Variants in SNRPC observed in about 807,000 individuals in gnomAD.
The protein encoded by SNRPC is small nuclear ribonucleoprotein polypeptide C.
SNRPC carries 5 observed loss-of-function variants against 20.0 expected under a neutral mutation model. The ratio of observed to expected loss-of-function variants is 0.25; its 90% CI spans 0.13 to 0.53. The LOEUF is 0.53. Among genes scored for constraint, SNRPC ranks in the 20% least tolerant of loss-of-function variants. The probability of loss-of-function intolerance (pLI) is 0.96; values close to 1 mark genes in which losing one functional copy is unlikely to be tolerated. For synonymous variants in SNRPC, 61 were observed against 58.7 expected, an observed-to-expected ratio of 1.04 and a Z score of -0.18; for missense variants, 112 against 224.1, an observed-to-expected ratio of 0.50 and a Z score of 3.19.
At position 34,757,527 on chromosome 6, in the gene SNRPC, A is replaced by G. The variant is rs1440085876; in HGVS notation, c.-17A>G. On this transcript the variant is annotated 5_prime_UTR_variant, in exon 1 of 6. Transcript: ENST00000244520. ...CGGGCGTCACGTAACGGAGTGGCCA[A>G]CGGCCTGCAGAGCAACATGCCCAAG... 4 of 1,613,322 alleles carry G rather than the reference A, an allele frequency of 2.5e-6. No homozygotes were observed. The highest frequency in any genetic ancestry group is 3.4e-6 in the Non-Finnish European group (4 of 1,179,444).
At chr6:34,767,022 GA>G (rs3839363) in intron 3 of SNRPC, among the ~76,000 whole-genome samples, 43 of 151,310 alleles carry the variant, frequency 2.8e-4, no homozygotes, top group Admixed American at 2.1e-3. Context: ...TGCTTCATCT[GA>G]AAAAAAAATT....
chr6:34,773,320 T>C lies in SNRPC; in HGVS notation c.356-126T>C. On this transcript the variant is annotated intron_variant, in intron 5 of 5. Transcript: ENST00000244520. This position sits in a 1 kb window ranked among gnomAD's most constrained non-coding sequence, Gnocchi z 4.1. ...TTTGTTGCATTTCTTCTGTCACGTG[T>C]GTCTTTTTTCCAGCATTTTGCAAGG... 1.4e-6 allele frequency: 1 copy of C among 720,634 alleles called. No individual in the cohort carries two copies. Among genetic ancestry groups the C allele is most frequent in the South Asian group, 1.9e-5 (1 of 52,390 alleles). The allele number at this position is 720,634 out of a possible 1,614,324, so 44.6% of individuals were successfully genotyped here.
At chr6:34,767,772 T>C in intron 3 of SNRPC, 136 bp from the exon 4 acceptor site, 1 of 845,042 alleles carries the variant, frequency 1.2e-6, no homozygotes, top group Non-Finnish European at 1.7e-6. Flanking sequence ...AACCATGATG[T>C]AATAATTTTA....
chr6:34,764,858 G>A (rs560947948), intron 3 of SNRPC, among the ~76,000 whole-genome samples: 23 of 150,856 alleles, frequency 1.5e-4, no homozygotes, highest in African/African-American at 4.4e-4. Context: ...CGTGTCTCTA[G>A]TAAAAATACA....
Position 34,760,800 on chromosome 6 carries a change from G to C in SNRPC, c.52-1795G>C, listed in dbSNP as rs1006004687. ...GTGGTGGCTTACACCTGTAATCCCA[G>C]CACTAGGAGGCCAAGGTGGGCAGAT... is the stretch of plus-strand genomic sequence containing the variant. On this transcript the variant is annotated intron_variant, in intron 2 of 5. Coordinates refer to ENST00000244520, the MANE Select transcript of SNRPC (RefSeq NM_003093.3). 2.0e-5 allele frequency among the ~76,000 whole-genome samples: 3 copies of C among 152,168 alleles called. No individual in the cohort carries two copies. The East Asian group carries it at 5.8e-4, about 29-fold the overall frequency.
At chr6:34,766,262 C>T (rs185889304) in intron 3 of SNRPC, among the ~76,000 whole-genome samples, 51 of 151,938 alleles carry the variant, frequency 3.4e-4, no homozygotes, top group African/African-American at 1.2e-3. Flanking sequence ...GTGCAGTGGC[C>T]TGATCATAGC....
intron 2 of SNRPC, among the ~76,000 whole-genome samples, chr6:34,761,867 TAGTGG>T (rs572911951): frequency 2.6e-5 from 4 of 151,860 alleles, no homozygotes; most frequent in African/African-American, 9.7e-5. Context: ...GGCTGGAGTG[TAGTGG>T]AGTGATCTTG....
rs1186296910 is a variant in SNRPC, at chr6:34,773,364, T to C, written c.356-82T>C. The C allele has an allele frequency of 3.7e-6, 5 of 1,339,064 alleles. No homozygotes were observed. The African/African-American group carries it at 7.3e-5, about 20-fold the overall frequency. The allele number at this position is 1,339,064 out of a possible 1,614,324, so 82.9% of individuals were successfully genotyped here. A position where few individuals can be genotyped will look rare whatever the true frequency, so the allele number is the denominator to read the frequency against. ...TGCAAGGGGGGCTACGTTTTTTGTTTTTAATTGAAGTCCCATCAAACTCTC... is the reference window on the plus strand; with the variant it reads ...TGCAAGGGGGGCTACGTTTTTTGTTCTTAATTGAAGTCCCATCAAACTCTC... On this transcript the variant is annotated intron_variant, in intron 5 of 5. Coordinates refer to ENST00000244520, the MANE Select transcript of SNRPC (RefSeq NM_003093.3). This position sits in a 1 kb window ranked among gnomAD's most constrained non-coding sequence, Gnocchi z 4.1.
At chr6:34,762,050 T>G (rs1329774120) in intron 2 of SNRPC, among the ~76,000 whole-genome samples, 1 of 152,094 alleles carries the variant, frequency 6.6e-6, no homozygotes, top group Non-Finnish European at 1.5e-5. Flanking sequence ...ACCTGTAATC[T>G]CACAGCACTT....
In SNRPC at chr6:34,773,348, G is replaced by A. The variant is rs898581928; in HGVS notation, c.356-98G>A. 1 of 1,021,836 alleles carries A rather than the reference G, an allele frequency of 9.8e-7. No homozygotes were observed. Among genetic ancestry groups the A allele is most frequent in the African/African-American group, 1.6e-5 (1 of 62,180 alleles). The allele number at this position is 1,021,836 out of a possible 1,614,324, so 63.3% of individuals were successfully genotyped here. ...CTTTTTTCCAGCATTTTGCAAGGGGGGCTACGTTTTTTGTTTTTAATTGAA... is the reference window on the plus strand; with the variant it reads ...CTTTTTTCCAGCATTTTGCAAGGGGAGCTACGTTTTTTGTTTTTAATTGAA... On this transcript the variant is annotated intron_variant, in intron 5 of 5. Transcript: ENST00000244520. This position sits in a 1 kb window ranked among gnomAD's most constrained non-coding sequence, Gnocchi z 4.1.
chr6:34,763,708 TTTTATTTATTTTTA>T (rs1481021774), intron 3 of SNRPC, among the ~76,000 whole-genome samples: 3 of 150,314 alleles, frequency 2.0e-5, no homozygotes, highest in African/African-American at 7.3e-5. Context: ...AATTTGTATT[TTTTATTTATTTTTA>T]TTTATTTATT....
At position 34,767,900 on chromosome 6, in the gene SNRPC, C is replaced by CTCATA; in HGVS notation, c.161-6_161-5insATATC. 12 of 1,478,282 alleles carry CTCATA rather than the reference C, an allele frequency of 8.1e-6. No individual in the cohort carries two copies. The highest frequency in any genetic ancestry group is 5.6e-5 in the African/African-American group (2 of 36,034). The allele number at this position is 1,478,282 out of a possible 1,614,324, so 91.6% of individuals were successfully genotyped here. A position where few individuals can be genotyped will look rare whatever the true frequency, so the allele number is the denominator to read the frequency against. ...CTTTTTTTTTTTTTTTTTCCTCACC[C>CTCATA]TCCAAAGCGGCTGCATTTCAACAAG... On this transcript the variant is annotated splice_polypyrimidine_tract_variant and splice_region_variant and intron_variant, in intron 3 of 5. Coordinates refer to ENST00000244520, the MANE Select transcript of SNRPC (RefSeq NM_003093.3).
In SNRPC at chr6:34,759,031, AAAAAAAAAAAAAAAG is replaced by A. The variant is rs1225030433; in HGVS notation, c.51+1082_51+1096del. ...CGAGACTCCGTCTCAAAAAAAAAAA[AAAAAAAAAAAAAAAG>A]AAAAGAAAACCCACGTTAATTAATG... is the stretch of plus-strand genomic sequence containing the variant. On this transcript the variant is annotated intron_variant, in intron 2 of 5. Coordinates refer to ENST00000244520, the MANE Select transcript of SNRPC (RefSeq NM_003093.3). Among the ~76,000 whole-genome samples the A allele has an allele frequency of 2.6e-3, 385 of 150,484 alleles. 3 individuals carry two copies. The highest frequency in any genetic ancestry group is 4.3e-3 in the Non-Finnish European group (294 of 67,642).
At chr6:34,764,458 A>G (rs1048682909) in intron 3 of SNRPC, among the ~76,000 whole-genome samples, 3 of 151,478 alleles carry the variant, frequency 2.0e-5, no homozygotes, top group East Asian at 1.9e-4. Context: ...CCTGGGCAAC[A>G]AGAGGGAAAC....
rs759820702 is a variant in SNRPC at position 34,773,581 on chromosome 6, G to A, written c.*11G>A. ...CGACCAGACAGATAAGGATAGAGGG[G>A]AGGCCTTATTGTATCGGTTTTATAT... On this transcript the variant is annotated 3_prime_UTR_variant, in exon 6 of 6. Coordinates refer to ENST00000244520, the MANE Select transcript of SNRPC (RefSeq NM_003093.3). This position sits in a 1 kb window ranked among gnomAD's most constrained non-coding sequence, Gnocchi z 4.1. 6.2e-7 allele frequency: 1 copy of A among 1,612,224 alleles called. No homozygotes were observed. Among genetic ancestry groups the A allele is most frequent in the Non-Finnish European group, 8.5e-7 (1 of 1,179,030 alleles).
chr6:34,768,753 C>CA (rs11284276), intron 4 of SNRPC, among the ~76,000 whole-genome samples: 2,330 of 97,522 alleles, frequency 0.024, 40 homozygotes, highest in African/African-American at 0.037. Context: ...GACTTTGTCT[C>CA]AAAAAAAAAA....
Position 34,773,646 on chromosome 6 carries a change from A to G in SNRPC, c.*76A>G. On this transcript the variant is annotated 3_prime_UTR_variant, in exon 6 of 6. Transcript: ENST00000244520. The surrounding 1 kb of genome is among the most constrained non-coding windows in gnomAD (Gnocchi z 4.1). The stretch of plus-strand genomic sequence containing the variant: ...CACCAGGAGATCATGCTGCTGTGAT[A>G]CTGAGTTTTCTAAACAGCATAAGGA... The G allele has an allele frequency of 2.9e-6, 4 of 1,387,644 alleles. No homozygotes were observed. The South Asian group carries it at 3.7e-5, about 13-fold the overall frequency. 86.0% of individuals were successfully genotyped at this position (1,387,644 alleles called of 1,614,324 possible).
intron 5 of SNRPC, among the ~76,000 whole-genome samples, chr6:34,771,476 T>C (rs1764690530): frequency 6.6e-6 from 1 of 152,166 alleles, no homozygotes; most frequent in Non-Finnish European, 1.5e-5. Flanking sequence ...TATAATCTAG[T>C]TCCAATCTTT....
chr6:34,762,531 C>G, intron 2 of SNRPC, 64 bp from the exon 3 acceptor site: 1 of 860,476 alleles, frequency 1.2e-6, no homozygotes, highest in Middle Eastern at 3.3e-4. Flanking sequence ...AAAGGTAAAA[C>G]TTTATTAAAT....
Sources: allele counts gnomAD v4.1 joint callset (sites outside exome capture counted in the v4.1 genomes callset), GRCh38; gene constraint gnomAD v4.1.1; non-coding constraint Gnocchi (gnomAD v3.1); transcripts MANE v1.5; gene names NCBI Gene and HGNC (gene_info 2026-07-23, HGNC 2026-07-21).